C12orf54: variants seen among roughly 807,000 people sequenced by gnomAD.
The protein encoded by C12orf54 is chromosome 12 open reading frame 54, also known as uncharacterized protein C12orf54.
Under a neutral mutation model 26.4 loss-of-function variants are expected in C12orf54, and 24 were observed. That is an observed-to-expected ratio of 0.91 (90% confidence interval 0.66 to 1.28). The LOEUF (loss-of-function observed/expected upper bound fraction) is 1.28, where lower values mean the gene tolerates loss of function less well. Among genes scored for constraint, C12orf54 ranks in the 50% most tolerant of loss-of-function variants. The pLI is 0.00. For missense variants in C12orf54, 154 were observed against 150.9 expected, an observed-to-expected ratio of 1.02 and a Z score of -0.11; for synonymous variants, 54 against 47.0, an observed-to-expected ratio of 1.15 and a Z score of -0.61.
chr12:48,487,009 G>T (rs111654253), intron 4 of C12orf54, among the ~76,000 whole-genome samples: 2 of 152,174 alleles, frequency 1.3e-5, no homozygotes, highest in Non-Finnish European at 2.9e-5. Flanking sequence ...CTCAGTGATT[G>T]CTACAGACTT....
At chr12:48,438,756 C>A in the C12orf54 span, among the ~76,000 whole-genome samples, 135 of 152,088 alleles carry the variant, frequency 8.9e-4, no homozygotes, top group African/African-American at 3.1e-3. Context: ...AAATTAATTC[C>A]AGATGGATTA....
At chr12:48,466,678 T>C in the C12orf54 span, among the ~76,000 whole-genome samples, 5 of 152,178 alleles carry the variant, frequency 3.3e-5, no homozygotes, top group Admixed American at 3.3e-4. Context: ...ATAATGTCCA[T>C]ACCAAATTCT....
chr12:48,436,763 G>C, the C12orf54 span, among the ~76,000 whole-genome samples: 2 of 152,236 alleles, frequency 1.3e-5, no homozygotes, highest in Non-Finnish European at 2.9e-5. Context: ...ACAGTGTGTA[G>C]AGGGAAATTT....
chr12:48,482,865 G>A (rs1202886522), intron 1 of C12orf54, among the ~76,000 whole-genome samples: 2 of 151,930 alleles, frequency 1.3e-5, no homozygotes, highest in Non-Finnish European at 2.9e-5. Flanking sequence ...GTCCTTGCCT[G>A]AACTCAAAGA....
At chr12:48,460,270 A>G in the C12orf54 span, among the ~76,000 whole-genome samples, 1 of 152,130 alleles carries the variant, frequency 6.6e-6, no homozygotes, top group African/African-American at 2.4e-5. Context: ...GTTTTGAAAC[A>G]CTCATTATAC....
At chr12:48,458,860 T>C in the C12orf54 span, among the ~76,000 whole-genome samples, 2 of 152,170 alleles carry the variant, frequency 1.3e-5, no homozygotes, top group African/African-American at 4.8e-5. Flanking sequence ...GAAACATTAC[T>C]ATCTTACTTA....
At chr12:48,479,515 T>G (rs371019344), upstream of C12orf54, among the ~76,000 whole-genome samples, 2 of 151,500 alleles carry the variant, frequency 1.3e-5, no homozygotes, top group East Asian at 3.9e-4. Context: ...AGTATAATAA[T>G]AATAAAATAA....
chr12:48,419,609 C>G, the C12orf54 span, among the ~76,000 whole-genome samples: 1 of 152,044 alleles, frequency 6.6e-6, no homozygotes, highest in Non-Finnish European at 1.5e-5. Flanking sequence ...GAGAGAATGA[C>G]CCCACTATGA....
chr12:48,421,553 G>T, the C12orf54 span, among the ~76,000 whole-genome samples: 2 of 120,784 alleles, frequency 1.7e-5, no homozygotes, highest in East Asian at 3.0e-4. Flanking sequence ...GATGGAGGAT[G>T]GAGTCTCACC....
the C12orf54 span, among the ~76,000 whole-genome samples, chr12:48,425,779 T>A: frequency 6.6e-6 from 1 of 152,118 alleles, no homozygotes; most frequent in South Asian, 2.1e-4. Flanking sequence ...TTCTGACTAG[T>A]GTGAGATGGT....
chr12:48,435,470 A>T, the C12orf54 span, among the ~76,000 whole-genome samples: 1 of 152,242 alleles, frequency 6.6e-6, no homozygotes, highest in Admixed American at 6.5e-5. Flanking sequence ...CAGATTCATC[A>T]AAGTGGAAAT....
chr12:48,432,794 A>C, the C12orf54 span, among the ~76,000 whole-genome samples: 1 of 151,936 alleles, frequency 6.6e-6, no homozygotes, highest in African/African-American at 2.4e-5. Context: ...GCTTGAACTC[A>C]GGAGGTGGAG....
At chr12:48,444,040 G>A in the C12orf54 span, among the ~76,000 whole-genome samples, 2 of 152,206 alleles carry the variant, frequency 1.3e-5, no homozygotes, top group African/African-American at 4.8e-5. Flanking sequence ...CAGAGGTCCA[G>A]ACTAATAAGT....
chr12:48,482,947 C>G (rs184880374), intron 1 of C12orf54, among the ~76,000 whole-genome samples: 2 of 148,376 alleles, frequency 1.3e-5, no homozygotes, highest in South Asian at 4.3e-4. Flanking sequence ...TTTTTTTTTT[C>G]GTCTACTTCC....
chr12:48,435,854 C>T, the C12orf54 span, among the ~76,000 whole-genome samples: 7 of 152,054 alleles, frequency 4.6e-5, no homozygotes, highest in South Asian at 2.1e-4. Flanking sequence ...CATCAACTAA[C>T]GAGCAAAATA....
chr12:48,462,836 C>G, the C12orf54 span, among the ~76,000 whole-genome samples: 1 of 151,720 alleles, frequency 6.6e-6, no homozygotes, highest in Non-Finnish European at 1.5e-5. Context: ...GGATTTGGAA[C>G]AAGGAAAGAA....
chr12:48,448,012 T>C, the C12orf54 span, among the ~76,000 whole-genome samples: 1 of 148,704 alleles, frequency 6.7e-6, no homozygotes, highest in Admixed American at 6.7e-5. Flanking sequence ...AGCCCCCAGC[T>C]GGCAGCTAGC....
At chr12:48,458,270 T>A in the C12orf54 span, among the ~76,000 whole-genome samples, 2 of 152,218 alleles carry the variant, frequency 1.3e-5, no homozygotes, top group African/African-American at 4.8e-5. Flanking sequence ...GAGAATATTC[T>A]GGATTTAGAG....
At chr12:48,454,092 G>GTTTTT in the C12orf54 span, among the ~76,000 whole-genome samples, 7 of 75,782 alleles carry the variant, frequency 9.2e-5, 2 homozygotes, top group Non-Finnish European at 1.2e-4. Context: ...CTCTTTTTTT[G>GTTTTT]TTTGTTTTTT....
Sources: allele counts gnomAD v4.1 joint callset (sites outside exome capture counted in the v4.1 genomes callset), GRCh38; gene constraint gnomAD v4.1.1; transcripts MANE v1.5; gene names NCBI Gene and HGNC (gene_info 2026-07-23, HGNC 2026-07-21).